Variants in PARD3 observed in about 807,000 individuals in gnomAD.
PARD3 encodes par-3 family cell polarity regulator, also known as partitioning defective 3 homolog.
A neutral mutation model predicts 155.4 loss-of-function variants in PARD3; 75 were observed. The observed-to-expected ratio is 0.48, with a 90% CI of 0.40 to 0.58. PARD3 has a LOEUF of 0.58. Among genes scored for constraint, PARD3 ranks in the 20% least tolerant of loss-of-function variants. PARD3 has a pLI of 0.00. For missense variants in PARD3, 1,642 were observed against 1,721.7 expected (o/e 0.95, Z 0.82); for synonymous variants, 576 against 610.5 (o/e 0.94, Z 0.83).
chr10:34,341,864 G>T, intron 15 of PARD3, 48 bp from the exon 16 acceptor site: 1 of 1,133,024 alleles, frequency 8.8e-7, no homozygotes, highest in Non-Finnish European at 1.3e-6. Context: ...ATCGATCAAA[G>T]TGTTACATCT....
rs114109138 is a variant in PARD3 at position 34,510,798 on chromosome 10, T to C, written c.403+6181A>G. 9.3e-3 allele frequency among the ~76,000 whole-genome samples: 1,416 copies of C among 152,264 alleles called. 28 individuals carry two copies. The highest frequency in any genetic ancestry group is 0.033 in the African/African-American group (1,355 of 41,544). The stretch of plus-strand genomic sequence containing the variant: ...GTAACCCATCCCCTAGCCTGTACTA[T>C]TCTGAAGAAAATTCTAGAGATATTG... On this transcript the variant is annotated intron_variant, in intron 3 of 24. Transcript: ENST00000374788.
At chr10:34,191,017 A>G (rs571713281) in intron 22 of PARD3, among the ~76,000 whole-genome samples, 1 of 152,226 alleles carries the variant, frequency 6.6e-6, no homozygotes, top group African/African-American at 2.4e-5. Context: ...AAAAAACTTA[A>G]CAAGGGAGCA....
rs528120415 is a variant in PARD3, at chr10:34,551,680, T to C, written c.223-34521A>G. Among the ~76,000 whole-genome samples, 24 of 152,248 alleles carry C rather than the reference T, an allele frequency of 1.6e-4. 1 individual carries two copies. Among genetic ancestry groups the C allele is most frequent in the African/African-American group, 5.3e-4 (22 of 41,568 alleles). ...AGAAGGTTTCCCCAGCAATTAAGCATAGGTTCCAGCTCAGGCTGCGGTTAG... is the reference window on the plus strand; with the variant it reads ...AGAAGGTTTCCCCAGCAATTAAGCACAGGTTCCAGCTCAGGCTGCGGTTAG... On this transcript the variant is annotated intron_variant, in intron 2 of 24. Coordinates refer to ENST00000374788, the MANE Select transcript of PARD3 (RefSeq NM_001184785.2).
chr10:34,256,741 T>G (rs1416651386), intron 22 of PARD3, among the ~76,000 whole-genome samples: 1 of 141,802 alleles, frequency 7.1e-6, no homozygotes, highest in Admixed American at 6.8e-5. Flanking sequence ...GAAAATTCAG[T>G]TTAAAAATAT....
At chr10:34,286,647 G>C (rs1956407387) in intron 20 of PARD3, among the ~76,000 whole-genome samples, 1 of 152,180 alleles carries the variant, frequency 6.6e-6, no homozygotes, top group Non-Finnish European at 1.5e-5. Context: ...AAAAGAGAAG[G>C]CAGCAGGAAA....
intron 5 of PARD3, among the ~76,000 whole-genome samples, chr10:34,409,808 T>A (rs2132287108): frequency 6.6e-6 from 1 of 152,296 alleles, no homozygotes; most frequent in South Asian, 2.1e-4. Context: ...TGTCCTTAAT[T>A]CCCAGTATAT....
chr10:34,794,124 G>A (rs1841988736), intron 1 of PARD3, among the ~76,000 whole-genome samples: 1 of 151,942 alleles, frequency 6.6e-6, no homozygotes, highest in Non-Finnish European at 1.5e-5. Flanking sequence ...GGGGGTTGGG[G>A]GGACTCATGA....
At chr10:34,186,306 G>A (rs1468304082) in intron 22 of PARD3, among the ~76,000 whole-genome samples, 7 of 150,606 alleles carry the variant, frequency 4.6e-5, no homozygotes, top group Admixed American at 2.7e-4. Flanking sequence ...GCTGTAGCGG[G>A]CTATGATTGC....
Position 34,383,390 on chromosome 10 carries a change from T to TACAC in PARD3, c.1017-472_1017-469dup, listed in dbSNP as rs3040371. On this transcript the variant is annotated intron_variant, in intron 8 of 24. Coordinates refer to ENST00000374788, the MANE Select transcript of PARD3 (RefSeq NM_001184785.2). ...AGATGTGTATTTAAAATTTTTAAAATACACACACACACACACACACACTTA... is the reference window on the plus strand; with the variant it reads ...AGATGTGTATTTAAAATTTTTAAAATACACACACACACACACACACACACACTTA... 9.7e-3 allele frequency among the ~76,000 whole-genome samples: 1,455 copies of TACAC among 150,134 alleles called. 26 individuals are homozygous for TACAC. Among genetic ancestry groups the TACAC allele is most frequent in the African/African-American group, 0.03 (1,225 of 40,998 alleles).
intron 2 of PARD3, among the ~76,000 whole-genome samples, chr10:34,623,764 GAGGTC>G (rs2091827970): frequency 6.7e-6 from 1 of 149,854 alleles, no homozygotes. Flanking sequence ...GGCGGATCAC[GAGGTC>G]AGGAGATCGA....
intron 2 of PARD3, among the ~76,000 whole-genome samples, chr10:34,603,680 T>G (rs2132521567): frequency 6.6e-6 from 1 of 152,224 alleles, no homozygotes; most frequent in Middle Eastern, 3.4e-3. Context: ...GCCATAATAT[T>G]CATCCCAACA....
chr10:34,290,591 G>A (rs574505459), intron 20 of PARD3, among the ~76,000 whole-genome samples: 5 of 152,130 alleles, frequency 3.3e-5, no homozygotes, highest in East Asian at 1.9e-4. Context: ...CTGCCCTGGC[G>A]TGGTCAATAT....
chr10:34,649,690 A>T (rs924927281), intron 2 of PARD3, among the ~76,000 whole-genome samples: 1 of 152,258 alleles, frequency 6.6e-6, no homozygotes, highest in Non-Finnish European at 1.5e-5. Context: ...TGCTTAGGCT[A>T]CACTACATTT....
intron 1 of PARD3, among the ~76,000 whole-genome samples, chr10:34,810,039 C>T (rs1037632456): frequency 3.0e-4 from 46 of 152,260 alleles, no homozygotes; most frequent in South Asian, 1.2e-3. Flanking sequence ...TCAACAGTCT[C>T]CCGCCACCAA....
intron 20 of PARD3, among the ~76,000 whole-genome samples, chr10:34,316,320 G>A (rs1384794334): frequency 6.6e-6 from 1 of 152,112 alleles, no homozygotes; most frequent in African/African-American, 2.4e-5. Flanking sequence ...ACTTTTATGG[G>A]AGAGTTTCAG....
At chr10:34,802,968 G>A (rs1842952555) in intron 1 of PARD3, among the ~76,000 whole-genome samples, 1 of 150,560 alleles carries the variant, frequency 6.6e-6, no homozygotes, top group Non-Finnish European at 1.5e-5. Flanking sequence ...ACTCACACCT[G>A]TAATCCCAGC....
chr10:34,578,023 G>A (rs937083294), intron 2 of PARD3, among the ~76,000 whole-genome samples: 1 of 150,460 alleles, frequency 6.6e-6, no homozygotes, highest in African/African-American at 2.4e-5. Flanking sequence ...CACTACATGC[G>A]GCTATGTTTT....
At chr10:34,448,386 G>A (rs879491373) in intron 5 of PARD3, among the ~76,000 whole-genome samples, 1 of 150,818 alleles carries the variant, frequency 6.6e-6, no homozygotes, top group Non-Finnish European at 1.5e-5. Context: ...ACAGGGAGTT[G>A]GGTGTGGAAA....
At chr10:34,574,606 T>C (rs1246346716) in intron 2 of PARD3, among the ~76,000 whole-genome samples, 1 of 152,184 alleles carries the variant, frequency 6.6e-6, no homozygotes, top group Non-Finnish European at 1.5e-5. Context: ...CTCAGGCAGT[T>C]TAGTTTCCTC....
Sources: gnomAD v4.1 joint callset for allele counts (sites outside exome capture counted in the v4.1 genomes callset) on GRCh38, gnomAD v4.1.1 for gene constraint, MANE v1.5 for transcripts, NCBI Gene and HGNC (gene_info 2026-07-23, HGNC 2026-07-21) for gene names.